The following CACNA2D3 variants were observed in gnomAD, a reference collection of about 807,000 sequenced individuals.
CACNA2D3 encodes the protein voltage-dependent calcium channel subunit alpha-2/delta-3.
A neutral mutation model predicts 160.6 loss-of-function variants in CACNA2D3; 60 were observed. The observed-to-expected ratio is 0.37, with a 90% CI of 0.30 to 0.46. CACNA2D3 has a LOEUF of 0.46. CACNA2D3 is among the 20% of genes least tolerant of loss of function. The probability of loss-of-function intolerance (pLI) is 1.00; values close to 1 mark genes in which losing one functional copy is unlikely to be tolerated. For missense variants in CACNA2D3, 1,205 were observed against 1,365.0 expected, an observed-to-expected ratio of 0.88 and a Z score of 1.85; for synonymous variants, 558 against 492.9, an observed-to-expected ratio of 1.13 and a Z score of -1.75.
chr3:54,884,236 G>T (rs768585247), intron 21 of CACNA2D3, among the ~76,000 whole-genome samples: 1 of 152,240 alleles, frequency 6.6e-6, no homozygotes, highest in Non-Finnish European at 1.5e-5. Flanking sequence ...GAGCTATGCA[G>T]TATTACTTGT....
intron 13 of CACNA2D3, among the ~76,000 whole-genome samples, chr3:54,789,171 G>C (rs978879902): frequency 1.3e-5 from 2 of 152,016 alleles, no homozygotes; most frequent in African/African-American, 4.8e-5. Flanking sequence ...ATATATAACA[G>C]TCTTATGAGA....
chr3:54,421,712 G>A (rs1428453594), intron 4 of CACNA2D3, among the ~76,000 whole-genome samples: 12 of 152,136 alleles, frequency 7.9e-5, no homozygotes, highest in Non-Finnish European at 2.9e-5. Flanking sequence ...GGGAAGCAGG[G>A]CATGTTGACG....
chr3:54,650,465 G>C (rs922822312), intron 11 of CACNA2D3, among the ~76,000 whole-genome samples: 14 of 152,168 alleles, frequency 9.2e-5, no homozygotes, highest in Non-Finnish European at 2.1e-4. Flanking sequence ...CTGGGTTCAA[G>C]TGATTCTTCT....
chr3:54,203,785 C>T (rs551798895), intron 2 of CACNA2D3, among the ~76,000 whole-genome samples: 2 of 152,164 alleles, frequency 1.3e-5, no homozygotes, highest in Non-Finnish European at 2.9e-5. Flanking sequence ...CGCTGTCCGG[C>T]CGCTTGTGTC....
In CACNA2D3 at chr3:54,896,763, C is replaced by G; in HGVS notation, c.2261C>G (p.Ala754Gly). 1.2e-6 allele frequency: 2 copies of G among 1,614,040 alleles called. No homozygotes were observed. Among genetic ancestry groups the G allele is most frequent in the Non-Finnish European group, 1.7e-6 (2 of 1,179,890 alleles). Residue 754 changes from alanine (A) to glycine (G), a missense_variant, in exon 26 of 38, where the codon GCT becomes GGT. Ala to Gly is a moderately conservative substitution (Grantham distance 60). This residue lies in a region of CACNA2D3 where 911 missense variants were observed against 1,002.2 expected (regional missense o/e 0.91). Coordinates refer to ENST00000474759, the MANE Select transcript of CACNA2D3 (RefSeq NM_018398.3). Reference sequence around the variant, plus strand: ...TCCACTTCAAGGGACTTCCTGAAAGCTGGCGACAAGGAGAACATTTTTAAC... The same window carrying G: ...TCCACTTCAAGGGACTTCCTGAAAGGTGGCGACAAGGAGAACATTTTTAAC... ...EQLTNQDFLK[A>G]GDKENIFNAD...
At chr3:54,436,042 A>C (rs757355308) in intron 4 of CACNA2D3, among the ~76,000 whole-genome samples, 32 of 152,248 alleles carry the variant, frequency 2.1e-4, no homozygotes, top group Non-Finnish European at 4.6e-4. Flanking sequence ...CCTAGAATTT[A>C]CTTAGTTTGA....
chr3:54,223,674 T>C (rs544835718), intron 2 of CACNA2D3, among the ~76,000 whole-genome samples: 41 of 152,028 alleles, frequency 2.7e-4, no homozygotes, highest in African/African-American at 8.7e-4. Context: ...ACCAACATGG[T>C]GAAACCCCGT....
chr3:54,125,531 G>A (rs1441756504), intron 2 of CACNA2D3, among the ~76,000 whole-genome samples: 3 of 152,150 alleles, frequency 2.0e-5, no homozygotes, highest in East Asian at 1.9e-4. Flanking sequence ...TTGGCATTGC[G>A]TTCCAGGGTG....
At chr3:54,187,053 G>A (rs4927987) in intron 2 of CACNA2D3, among the ~76,000 whole-genome samples, 112,307 of 152,128 alleles carry the variant, frequency 0.74, 41,946 homozygotes, top group East Asian at 1. Context: ...ATAATCTCTC[G>A]GCATTTTGGG....
chr3:54,225,644 G>A (rs942364884), intron 2 of CACNA2D3, among the ~76,000 whole-genome samples: 3 of 151,990 alleles, frequency 2.0e-5, no homozygotes, highest in African/African-American at 7.3e-5. Context: ...TATTCACTTG[G>A]TTTTTCTTAC....
intron 11 of CACNA2D3, among the ~76,000 whole-genome samples, chr3:54,696,835 C>T (rs1238879042): frequency 6.6e-6 from 1 of 152,166 alleles, no homozygotes; most frequent in East Asian, 1.9e-4. Flanking sequence ...TGCTTACTTC[C>T]CATTGTCTCT....
chr3:54,640,370 T>G (rs1164783246), intron 10 of CACNA2D3, among the ~76,000 whole-genome samples: 1 of 152,240 alleles, frequency 6.6e-6, no homozygotes, highest in African/African-American at 2.4e-5. Flanking sequence ...TGTATGTGTT[T>G]CCCATCTCGC....
At chr3:54,344,351 C>T (rs565909442) in intron 3 of CACNA2D3, among the ~76,000 whole-genome samples, 63 of 152,254 alleles carry the variant, frequency 4.1e-4, no homozygotes, top group Non-Finnish European at 7.9e-4. Context: ...TCTGCTCCCA[C>T]CTCAGTGCCT....
intron 4 of CACNA2D3, among the ~76,000 whole-genome samples, chr3:54,500,222 T>G (rs1023225961): frequency 6.6e-6 from 1 of 152,192 alleles, no homozygotes. Context: ...ACCCTCACTT[T>G]CTTTTGATTA....
chr3:54,587,867 G>A (rs1702790099), intron 9 of CACNA2D3, among the ~76,000 whole-genome samples: 1 of 152,102 alleles, frequency 6.6e-6, no homozygotes, highest in Non-Finnish European at 1.5e-5. Context: ...CAGGTCTGGA[G>A]AATGCTTTCA....
rs548582034 is a variant in CACNA2D3 at position 54,744,495 on chromosome 3, A to G, written c.1168-8104A>G. 1.8e-4 allele frequency among the ~76,000 whole-genome samples: 27 copies of G among 152,262 alleles called. No homozygotes were observed. In the South Asian group the frequency reaches 2.9e-3, roughly 16 times the overall value. ...AGGAGAAGGTTTATAGCCACTGCCAAGTTCTCAGTGGATCCTTTGACTCTC... is the reference window on the plus strand; with the variant it reads ...AGGAGAAGGTTTATAGCCACTGCCAGGTTCTCAGTGGATCCTTTGACTCTC... On this transcript the variant is annotated intron_variant, in intron 11 of 37. Transcript: ENST00000474759.
intron 2 of CACNA2D3, among the ~76,000 whole-genome samples, chr3:54,297,729 AG>A: frequency 6.7e-6 from 1 of 150,050 alleles, no homozygotes; most frequent in Non-Finnish European, 1.5e-5. Flanking sequence ...AAAAAAAAAA[AG>A]AGTGAAGAAA....
chr3:55,060,428 A>G (rs1157000113), intron 35 of CACNA2D3, among the ~76,000 whole-genome samples: 1 of 152,196 alleles, frequency 6.6e-6, no homozygotes, highest in African/African-American at 2.4e-5. Context: ...AAAGGTTAGC[A>G]TCAAGCAGGT....
At chr3:54,819,198 C>A (rs1703529716) in intron 14 of CACNA2D3, among the ~76,000 whole-genome samples, 1 of 152,136 alleles carries the variant, frequency 6.6e-6, no homozygotes, top group Non-Finnish European at 1.5e-5. Context: ...TCCATTTTGG[C>A]CTTCATCCAT....
Sources: allele counts gnomAD v4.1 joint callset (sites outside exome capture counted in the v4.1 genomes callset), GRCh38; gene constraint gnomAD v4.1.1; regional missense constraint gnomAD v4.1.1; transcripts MANE v1.5; gene names NCBI Gene and HGNC (gene_info 2026-07-23, HGNC 2026-07-21).